The following GPR160 variants were observed in gnomAD, a reference collection of about 807,000 sequenced individuals.
The protein encoded by GPR160 is probable G protein-coupled receptor 160.
GPR160 carries 2 observed loss-of-function variants against 2.6 expected under a neutral mutation model. That is an observed-to-expected ratio of 0.77 (90% CI 0.32 to 2.44). The LOEUF (loss-of-function observed/expected upper bound fraction) is 2.44. Among genes scored for constraint, GPR160 ranks in the 30% most tolerant of loss-of-function variants. The pLI is 0.11. For synonymous variants in GPR160, 130 were observed against 132.2 expected (o/e 0.98, Z 0.12); for missense variants, 351 against 383.6 (o/e 0.91, Z 0.71).
At chr3:170,050,730 C>T (rs765118751) in intron 2 of GPR160, among the ~76,000 whole-genome samples, 1 of 152,204 alleles carries the variant, frequency 6.6e-6, no homozygotes, top group Non-Finnish European at 1.5e-5. Flanking sequence ...TCAGGCATCT[C>T]TCACTTAGCA....
intron 3 of GPR160, among the ~76,000 whole-genome samples, chr3:170,081,888 C>CTTAAAACACATGGA (rs1713146240): frequency 6.6e-6 from 1 of 152,180 alleles, no homozygotes; most frequent in Non-Finnish European, 1.5e-5. Context: ...ATCCATGTTC[C>CTTAAAACACATGGA]TGTGAAAGAC....
At chr3:170,075,037 C>T (rs1400045329) in intron 2 of GPR160, among the ~76,000 whole-genome samples, 1 of 151,984 alleles carries the variant, frequency 6.6e-6, no homozygotes, top group African/African-American at 2.4e-5. Flanking sequence ...ACTAGCCTGG[C>T]CAACATGGTG....
chr3:170,040,949 G>C (rs1216758205), intron 2 of GPR160, among the ~76,000 whole-genome samples: 1 of 152,134 alleles, frequency 6.6e-6, no homozygotes, highest in East Asian at 1.9e-4. Flanking sequence ...CTTGAAAGAG[G>C]GTAAGGAAGG....
At chr3:170,073,997 TCCTGCC>T (rs1712730501) in intron 2 of GPR160, among the ~76,000 whole-genome samples, 1 of 149,132 alleles carries the variant, frequency 6.7e-6, no homozygotes, top group East Asian at 2.1e-4. Context: ...CAAGTGATTC[TCCTGCC>T]TCAGTCTCTG....
Position 170,042,395 on chromosome 3 carries a change from T to C in GPR160, c.-193+3352T>C, listed in dbSNP as rs1716487983. 2.2e-5 allele frequency among the ~76,000 whole-genome samples: 3 copies of C among 134,828 alleles called. No homozygotes were observed. The South Asian group carries it at 6.9e-4, about 31-fold the overall frequency. The allele number at this position is 134,828 out of a possible 152,430, so 88.5% of individuals were successfully genotyped here. ...GTGATCATACCACTGTACTCCAGCC[T>C]GGGTGACAGAGCAAGATACTGCCTC... On this transcript the variant is annotated intron_variant, in intron 2 of 3. Transcript: ENST00000355897.
intron 3 of GPR160, among the ~76,000 whole-genome samples, chr3:170,081,873 A>T (rs187610242): frequency 6.6e-6 from 1 of 151,884 alleles, no homozygotes; most frequent in African/African-American, 2.4e-5. Context: ...ATGGACTCCA[A>T]CTCCATCCAT....
intron 2 of GPR160, among the ~76,000 whole-genome samples, chr3:170,044,106 C>T (rs1255677788): frequency 6.6e-6 from 1 of 151,788 alleles, no homozygotes; most frequent in Admixed American, 6.6e-5. Context: ...GCGGGGATCA[C>T]CTGAGGTTGG....
chr3:170,074,685 G>T (rs1414643132), intron 2 of GPR160, among the ~76,000 whole-genome samples: 1 of 151,740 alleles, frequency 6.6e-6, no homozygotes, highest in African/African-American at 2.4e-5. Flanking sequence ...GTTTTGCCGT[G>T]TTGCCCAGGC....
chr3:170,075,314 T>G (rs542192412), intron 2 of GPR160, among the ~76,000 whole-genome samples: 3 of 152,324 alleles, frequency 2.0e-5, no homozygotes, highest in African/African-American at 7.2e-5. Context: ...AAATTAAAAT[T>G]GAATTTTGAG....
At chr3:170,052,145 C>T (rs1197956196) in intron 2 of GPR160, among the ~76,000 whole-genome samples, 8 of 152,216 alleles carry the variant, frequency 5.3e-5, no homozygotes, top group African/African-American at 1.4e-4. Context: ...AGGTTGATCT[C>T]GAACTCCTGA....
rs138586568 is a variant in GPR160, at chr3:170,076,594, A to G, written c.-192-3180A>G. Among the ~76,000 whole-genome samples, 648 of 151,240 alleles carry G rather than the reference A, an allele frequency of 4.3e-3. 4 individuals carry two copies. The highest frequency in any genetic ancestry group is 0.015 in the African/African-American group (620 of 41,102). ...TGTCTCACTCTGTTGCTCAGGCTGG[A>G]GTGTAGTGGTGCAATCTCGGCTCAC... On this transcript the variant is annotated intron_variant, in intron 2 of 3. Transcript: ENST00000355897.
intron 2 of GPR160, among the ~76,000 whole-genome samples, chr3:170,064,550 A>C (rs1576903714): frequency 8.8e-6 from 1 of 113,422 alleles, no homozygotes. Context: ...GCAGAGTCTC[A>C]CTCTGTCGCC....
At chr3:170,062,415 C>T in intron 2 of GPR160, 1 of 436,200 alleles carries the variant, frequency 2.3e-6, no homozygotes, top group Non-Finnish European at 4.3e-6. Context: ...CTAACAAATG[C>T]TCTGGAATGT....
At chr3:170,045,605 T>G (rs1351383442) in intron 2 of GPR160, among the ~76,000 whole-genome samples, 5 of 148,874 alleles carry the variant, frequency 3.4e-5, no homozygotes, top group African/African-American at 1.2e-4. Context: ...AAATAAAAAA[T>G]AAAAAAAGAA....
At chr3:170,051,401 T>C (rs1716951842) in intron 2 of GPR160, among the ~76,000 whole-genome samples, 1 of 152,222 alleles carries the variant, frequency 6.6e-6, no homozygotes, top group African/African-American at 2.4e-5. Flanking sequence ...AATTTTAAGG[T>C]ATATATCTGG....
intron 2 of GPR160, among the ~76,000 whole-genome samples, chr3:170,052,835 A>G (rs905785473): frequency 2.0e-5 from 3 of 152,102 alleles, no homozygotes; most frequent in African/African-American, 7.2e-5. Flanking sequence ...TTTTCCTTGT[A>G]GAGTCTTACC....
chr3:170,040,948 G>A (rs1274134478), intron 2 of GPR160, among the ~76,000 whole-genome samples: 1 of 152,156 alleles, frequency 6.6e-6, no homozygotes, highest in Non-Finnish European at 1.5e-5. Flanking sequence ...GCTTGAAAGA[G>A]GGTAAGGAAG....
rs574962369 is a variant in GPR160, at chr3:170,082,075, T to A, written c.-68-1830T>A. 2.6e-5 allele frequency among the ~76,000 whole-genome samples: 4 copies of A among 152,346 alleles called. No individual in the cohort carries two copies. In the East Asian group the frequency reaches 7.7e-4, roughly 29 times the overall value. On this transcript the variant is annotated intron_variant, in intron 3 of 3. Transcript: ENST00000355897. ...GTGACCTATTTTTAGGCAAATTTAA[T>A]TTTTTCAGTTTTCAGACTCAAAACT...
At chr3:170,080,369 C>T (rs890209607) in intron 3 of GPR160, among the ~76,000 whole-genome samples, 3 of 152,190 alleles carry the variant, frequency 2.0e-5, no homozygotes, top group Non-Finnish European at 4.4e-5. Context: ...TGGCCAAAAT[C>T]TTGTTTTCCA....
Sources: gnomAD v4.1 joint callset for allele counts (sites outside exome capture counted in the v4.1 genomes callset) on GRCh38, gnomAD v4.1.1 for gene constraint, MANE v1.5 for transcripts, NCBI Gene and HGNC (gene_info 2026-07-23, HGNC 2026-07-21) for gene names.